WSCD2: variants seen among roughly 807,000 people sequenced by gnomAD.
WSCD2 encodes WSC domain sialate O sulfotransferase 2.
Under a neutral mutation model 55.7 loss-of-function variants are expected in WSCD2, and 28 were observed. The ratio of observed to expected loss-of-function variants is 0.50; its 90% CI spans 0.37 to 0.69. The LOEUF is 0.69. WSCD2 is among the 30% of genes least tolerant of loss of function. The pLI, the probability that WSCD2 is intolerant of heterozygous loss-of-function variation, is 0.00. For missense variants in WSCD2, 616 were observed against 762.1 expected, an observed-to-expected ratio of 0.81 and a Z score of 2.26; for synonymous variants, 301 against 301.9, an observed-to-expected ratio of 1.00 and a Z score of 0.03.
At chr12:108,233,129 C>T (rs1378578058) in intron 7 of WSCD2, 3 of 489,862 alleles carry the variant, frequency 6.1e-6, no homozygotes, top group Non-Finnish European at 1.1e-5. Context: ...CAATAATTGA[C>T]ATTTGTCAAG....
chr12:108,198,232 C>A lies in WSCD2; in HGVS notation c.382+2018C>A, dbSNP rs1268042582. Reference sequence around the variant, plus strand: ...CTGCCTGTCTGTGTTCTATCAGCACCCGGGACAGCACCTGGCTAAGTGCTG... The same window carrying A: ...CTGCCTGTCTGTGTTCTATCAGCACACGGGACAGCACCTGGCTAAGTGCTG... On this transcript the variant is annotated intron_variant, in intron 2 of 8. Transcript: ENST00000547525. 1.3e-5 allele frequency among the ~76,000 whole-genome samples: 2 copies of A among 152,024 alleles called. 1 individual carries two copies. Among genetic ancestry groups the A allele is most frequent in the Non-Finnish European group, 2.9e-5 (2 of 68,028 alleles).
At chr12:108,164,679 C>T (rs563065732) in intron 1 of WSCD2, among the ~76,000 whole-genome samples, 18 of 152,084 alleles carry the variant, frequency 1.2e-4, no homozygotes, top group Non-Finnish European at 2.1e-4. Flanking sequence ...GTGAATGTTT[C>T]GCTTCAGTGG....
intron 1 of WSCD2, among the ~76,000 whole-genome samples, chr12:108,190,885 C>T (rs751667498): frequency 2.6e-5 from 4 of 152,040 alleles, no homozygotes; most frequent in African/African-American, 4.8e-5. Flanking sequence ...GGGATGAAGT[C>T]GTGATAGCCA....
chr12:108,193,231 A>G (rs1212959529), intron 1 of WSCD2, among the ~76,000 whole-genome samples: 1 of 152,250 alleles, frequency 6.6e-6, no homozygotes, highest in Non-Finnish European at 1.5e-5. Context: ...CATTAACTAT[A>G]ATATTGATTG....
At chr12:108,233,045 G>A (rs1271377071) in intron 7 of WSCD2, 150 bp downstream of exon 7, 2 of 1,028,368 alleles carry the variant, frequency 1.9e-6, no homozygotes, top group Admixed American at 2.7e-5. Flanking sequence ...TGCATGCTTG[G>A]TACCCCCCCA....
intron 1 of WSCD2, among the ~76,000 whole-genome samples, chr12:108,168,771 T>A (rs1289241919): frequency 6.6e-6 from 1 of 152,246 alleles, no homozygotes; most frequent in Non-Finnish European, 1.5e-5. Flanking sequence ...TCTCCCTTAC[T>A]GTATGAGATT....
chr12:108,216,923 GC>G (rs1260610599), intron 4 of WSCD2, among the ~76,000 whole-genome samples: 1 of 152,266 alleles, frequency 6.6e-6, no homozygotes, highest in Middle Eastern at 3.2e-3. Flanking sequence ...AATGGCAAAT[GC>G]CAAGAGCAGG....
intron 1 of WSCD2, among the ~76,000 whole-genome samples, chr12:108,157,959 T>C (rs541324732): frequency 2.0e-5 from 3 of 152,228 alleles, no homozygotes; most frequent in Admixed American, 6.5e-5. Flanking sequence ...ATCTAGTAAC[T>C]TGTAGGAGGC....
chr12:108,203,236 A>G (rs1884933180), intron 2 of WSCD2, among the ~76,000 whole-genome samples: 1 of 152,238 alleles, frequency 6.6e-6, no homozygotes, highest in Non-Finnish European at 1.5e-5. Context: ...TCATGTCATC[A>G]AACTACAGCA....
intron 3 of WSCD2, among the ~76,000 whole-genome samples, chr12:108,209,330 T>C (rs1885823809): frequency 6.6e-6 from 1 of 152,136 alleles, no homozygotes; most frequent in African/African-American, 2.4e-5. Flanking sequence ...CCCCTCACCC[T>C]AGCTCCTCTC....
intron 1 of WSCD2, among the ~76,000 whole-genome samples, chr12:108,134,263 C>T (rs1875927774): frequency 6.6e-6 from 1 of 152,088 alleles, no homozygotes; most frequent in African/African-American, 2.4e-5. Flanking sequence ...TGCCCTTAGC[C>T]ATAAGACGTC....
chr12:108,233,108 T>G, intron 7 of WSCD2: 1 of 538,544 alleles, frequency 1.9e-6, no homozygotes, highest in Non-Finnish European at 3.2e-6. Flanking sequence ...GATACTCCAC[T>G]AGCATCCATT....
At chr12:108,160,242 G>C (rs1284293145) in intron 1 of WSCD2, among the ~76,000 whole-genome samples, 1 of 152,150 alleles carries the variant, frequency 6.6e-6, no homozygotes, top group East Asian at 1.9e-4. Flanking sequence ...GCAGTCTGAG[G>C]GTGGACAGAG....
chr12:108,241,090 A>G (rs1381428743), intron 8 of WSCD2, among the ~76,000 whole-genome samples: 1 of 152,158 alleles, frequency 6.6e-6, no homozygotes, highest in East Asian at 1.9e-4. Flanking sequence ...CAAGGTCCTG[A>G]GAGCACAGGT....
chr12:108,241,160 TAA>T (rs2137232993), intron 8 of WSCD2, among the ~76,000 whole-genome samples: 1 of 152,274 alleles, frequency 6.6e-6, no homozygotes, highest in African/African-American at 2.4e-5. Flanking sequence ...TCAGAGAGGT[TAA>T]GTGACTTGCC....
intron 1 of WSCD2, among the ~76,000 whole-genome samples, chr12:108,172,986 C>A (rs569058169): frequency 6.6e-6 from 1 of 152,088 alleles, no homozygotes; most frequent in Non-Finnish European, 1.5e-5. Flanking sequence ...TGTTTCCCCC[C>A]ACTCCCCGCC....
intron 1 of WSCD2, among the ~76,000 whole-genome samples, chr12:108,174,041 C>G (rs1467385875): frequency 1.3e-5 from 2 of 152,096 alleles, no homozygotes; most frequent in Admixed American, 6.6e-5. Flanking sequence ...CTCACTTGGT[C>G]TTTACGAATC....
rs191850806 is a variant in WSCD2 at position 108,169,846 on chromosome 12, A to G, written c.-551-25436A>G. Among the ~76,000 whole-genome samples, 12 of 152,318 alleles carry G rather than the reference A, an allele frequency of 7.9e-5. No homozygotes were observed. The East Asian group carries it at 1.7e-3, about 22-fold the overall frequency. On this transcript the variant is annotated intron_variant, in intron 1 of 8. Transcript: ENST00000547525. ...TGGTTTTGCCCAGAGCTTGACTGGC[A>G]GTGACTCTGTAAATTTTGTTGGCAG... is the stretch of plus-strand genomic sequence containing the variant.
chr12:108,139,059 T>G (rs1209259151), intron 1 of WSCD2, among the ~76,000 whole-genome samples: 2 of 152,140 alleles, frequency 1.3e-5, no homozygotes, highest in Non-Finnish European at 2.9e-5. Flanking sequence ...AATGAATGAG[T>G]GTTCTGTGCT....
Sources: allele counts gnomAD v4.1 joint callset (sites outside exome capture counted in the v4.1 genomes callset), GRCh38; gene constraint gnomAD v4.1.1; transcripts MANE v1.5; gene names NCBI Gene and HGNC (gene_info 2026-07-23, HGNC 2026-07-21).